Variants in MARCHF1 observed in about 807,000 individuals in gnomAD.
MARCHF1 encodes E3 ubiquitin-protein ligase MARCHF1.
Under a neutral mutation model 54.2 loss-of-function variants are expected in MARCHF1, and 40 were observed. The observed-to-expected ratio is 0.74, with a 90% CI of 0.57 to 0.96. MARCHF1 has a LOEUF of 0.96. MARCHF1 is among the 40% of genes least tolerant of loss of function. MARCHF1 has a pLI of 0.00. For synonymous variants in MARCHF1, 236 were observed against 236.3 expected (o/e 1.00, Z 0.01); for missense variants, 586 against 656.5 (o/e 0.89, Z 1.17).
chr4:163,860,803 T>A (rs1401931069), intron 3 of MARCHF1, among the ~76,000 whole-genome samples: 1 of 152,198 alleles, frequency 6.6e-6, no homozygotes, highest in Non-Finnish European at 1.5e-5. Context: ...ACTACAAGAA[T>A]TCTATAGCTA....
intron 3 of MARCHF1, among the ~76,000 whole-genome samples, chr4:163,881,722 T>C (rs1054153039): frequency 1.4e-5 from 2 of 139,650 alleles, no homozygotes; most frequent in South Asian, 4.3e-4. Flanking sequence ...TATCCAGGAA[T>C]GTATGGACAG....
intron 5 of MARCHF1, among the ~76,000 whole-genome samples, chr4:163,640,119 T>C (rs1227095321): frequency 6.6e-6 from 1 of 152,156 alleles, no homozygotes; most frequent in African/African-American, 2.4e-5. Context: ...CTAGGTTAGA[T>C]GATTACACAT....
chr4:163,955,450 C>T (rs1319953150), intron 3 of MARCHF1, among the ~76,000 whole-genome samples: 1 of 151,822 alleles, frequency 6.6e-6, no homozygotes, highest in Non-Finnish European at 1.5e-5. Flanking sequence ...AACACACAGG[C>T]TTTCAGAATC....
chr4:163,700,720 A>T, intron 5 of MARCHF1, 93 bp downstream of exon 5: 1 of 928,996 alleles, frequency 1.1e-6, no homozygotes, highest in Non-Finnish European at 1.7e-6. Flanking sequence ...TGTTCTGCTC[A>T]CAGATAACAA....
chr4:164,154,702 G>A (rs551498063), intron 1 of MARCHF1, among the ~76,000 whole-genome samples: 1 of 152,328 alleles, frequency 6.6e-6, no homozygotes, highest in East Asian at 1.9e-4. Flanking sequence ...CCAAGTGGGT[G>A]TGTGTTACAG....
At chr4:163,721,347 G>T (rs1397044336) in intron 4 of MARCHF1, among the ~76,000 whole-genome samples, 2 of 152,088 alleles carry the variant, frequency 1.3e-5, no homozygotes, top group African/African-American at 4.8e-5. Flanking sequence ...ATTTGCATAT[G>T]TTGAACCAGC....
chr4:164,171,612 A>G (rs991998940), intron 1 of MARCHF1, among the ~76,000 whole-genome samples: 2 of 152,226 alleles, frequency 1.3e-5, no homozygotes, highest in African/African-American at 4.8e-5. Flanking sequence ...AAAGGTTATT[A>G]AGGAAGGCAC....
chr4:163,547,332 A>G (rs899873571), intron 8 of MARCHF1, among the ~76,000 whole-genome samples: 2 of 152,258 alleles, frequency 1.3e-5, no homozygotes, highest in Admixed American at 6.5e-5. Flanking sequence ...CATTGTGCCC[A>G]TCTTAAAGCT....
intron 8 of MARCHF1, among the ~76,000 whole-genome samples, chr4:163,554,165 T>C (rs1739206878): frequency 6.6e-6 from 1 of 152,182 alleles, no homozygotes; most frequent in African/African-American, 2.4e-5. Context: ...ATGGTTGAAA[T>C]ATCATTTTTA....
At chr4:164,031,600 T>C (rs1365303040) in intron 2 of MARCHF1, among the ~76,000 whole-genome samples, 1 of 152,180 alleles carries the variant, frequency 6.6e-6, no homozygotes, top group Non-Finnish European at 1.5e-5. Context: ...ATGTGATTTT[T>C]GTCATTGTTT....
chr4:164,037,155 C>T (rs1054225425), intron 2 of MARCHF1, among the ~76,000 whole-genome samples: 5 of 151,970 alleles, frequency 3.3e-5, no homozygotes, highest in African/African-American at 1.2e-4. Flanking sequence ...AAAGACATGT[C>T]GAATTTATGA....
intron 4 of MARCHF1, among the ~76,000 whole-genome samples, chr4:163,715,993 A>T (rs1030217054): frequency 6.6e-6 from 1 of 152,220 alleles, no homozygotes; most frequent in Non-Finnish European, 1.5e-5. Context: ...TTTCATCAAG[A>T]TAATGCAAGA....
intron 2 of MARCHF1, among the ~76,000 whole-genome samples, chr4:164,097,766 T>C (rs1396237400): frequency 6.6e-6 from 1 of 152,196 alleles, no homozygotes; most frequent in Non-Finnish European, 1.5e-5. Flanking sequence ...TCCTTCCCTG[T>C]ATTATTTAGG....
At chr4:163,931,559 A>G (rs886078576) in intron 3 of MARCHF1, among the ~76,000 whole-genome samples, 2 of 152,192 alleles carry the variant, frequency 1.3e-5, no homozygotes, top group Admixed American at 6.5e-5. Flanking sequence ...AACACTGAAT[A>G]TACTAGTCCC....
intron 1 of MARCHF1, among the ~76,000 whole-genome samples, chr4:164,230,631 A>C (rs1732390524): frequency 6.6e-6 from 1 of 151,994 alleles, no homozygotes; most frequent in African/African-American, 2.4e-5. Flanking sequence ...ACTAAAACTT[A>C]TTTCTTCTAT....
chr4:163,797,076 A>C (rs764181378), intron 4 of MARCHF1, among the ~76,000 whole-genome samples: 8 of 152,116 alleles, frequency 5.3e-5, no homozygotes, highest in African/African-American at 1.2e-4. Flanking sequence ...GTTGGTAATA[A>C]ACTCTGGTAA....
At chr4:163,766,869 C>A (rs1257607710) in intron 4 of MARCHF1, among the ~76,000 whole-genome samples, 1 of 152,078 alleles carries the variant, frequency 6.6e-6, no homozygotes, top group Non-Finnish European at 1.5e-5. Flanking sequence ...CATTTTGCAT[C>A]TACTGCAAAA....
intron 1 of MARCHF1, among the ~76,000 whole-genome samples, chr4:164,153,923 A>T (rs999554883): frequency 6.6e-6 from 1 of 152,200 alleles, no homozygotes; most frequent in Non-Finnish European, 1.5e-5. Context: ...ACTGTTAATG[A>T]CAGATTCAGA....
chr4:163,774,099 T>C (rs952411288), intron 4 of MARCHF1, among the ~76,000 whole-genome samples: 1 of 152,214 alleles, frequency 6.6e-6, no homozygotes, highest in Admixed American at 6.5e-5. Context: ...AATCCACAGA[T>C]GCTCAACTTC....
Sources: allele counts gnomAD v4.1 joint callset (sites outside exome capture counted in the v4.1 genomes callset), GRCh38; gene constraint gnomAD v4.1.1; transcripts MANE v1.5; gene names NCBI Gene and HGNC (gene_info 2026-07-23, HGNC 2026-07-21).